Variants in HDAC1 observed in about 807,000 individuals in gnomAD.
HDAC1 encodes histone deacetylase 1.
HDAC1 carries 18 observed loss-of-function variants against 65.5 expected under a neutral mutation model. The observed-to-expected ratio is 0.27, with a 90% CI of 0.19 to 0.41. The LOEUF is 0.41. Among genes scored for constraint, HDAC1 ranks in the 10% least tolerant of loss-of-function variants. HDAC1 has a pLI of 1.00. For synonymous variants in HDAC1, 211 were observed against 227.9 expected, an observed-to-expected ratio of 0.93 and a Z score of 0.67; for missense variants, 373 against 625.2, an observed-to-expected ratio of 0.60 and a Z score of 4.30.
chr1:32,318,177 G>A (rs1049935594), intron 3 of HDAC1, among the ~76,000 whole-genome samples: 2 of 152,186 alleles, frequency 1.3e-5, no homozygotes, highest in African/African-American at 2.4e-5. Flanking sequence ...TCAAACTCCC[G>A]ACCTCAGGTG....
In HDAC1 at chr1:32,327,611, G is replaced by A. The variant is rs376335337; in HGVS notation, c.570G>A (p.Thr190=). The change falls in exon 6 of 14, where the codon ACG becomes ACA. Residue 190 remains threonine (T), a synonymous_variant. Transcript: ENST00000373548. This position sits in a 1 kb window ranked among gnomAD's most constrained non-coding sequence, Gnocchi z 6.0. ...GDGVEEAFYT[T]DRVMTVSFHK... The stretch of plus-strand genomic sequence containing the variant: ...GCGTGGAAGAGGCCTTCTACACCAC[G>A]GACCGGGTCATGACTGTGTCCTTTC... 72 of 1,613,586 alleles carry A rather than the reference G, an allele frequency of 4.5e-5. No homozygotes were observed. Among genetic ancestry groups the A allele is most frequent in the Non-Finnish European group, 5.5e-5 (65 of 1,179,528 alleles).
At chr1:32,297,965 A>G (rs1640791865) in intron 1 of HDAC1, among the ~76,000 whole-genome samples, 1 of 149,596 alleles carries the variant, frequency 6.7e-6, no homozygotes, top group Non-Finnish European at 1.5e-5. Context: ...AATTTTTTGT[A>G]TTTTTAGTAG....
intron 2 of HDAC1, among the ~76,000 whole-genome samples, chr1:32,310,511 G>A (rs1156907924): frequency 1.3e-5 from 2 of 152,032 alleles, no homozygotes; most frequent in Non-Finnish European, 2.9e-5. Flanking sequence ...CCAGGAGTTC[G>A]AGACCAGCCT....
rs1338027932 is a variant in HDAC1 at position 32,329,345 on chromosome 1, C to T, written c.729+185C>T. On this transcript the variant is annotated intron_variant, in intron 7 of 13. Coordinates refer to ENST00000373548, the MANE Select transcript of HDAC1 (RefSeq NM_004964.3). The surrounding 1 kb of genome is among the most constrained non-coding windows in gnomAD (Gnocchi z 4.1). The stretch of plus-strand genomic sequence containing the variant: ...AACAAACACCCATATTTATTGGTTC[C>T]TTCTATGGGTCAGGTCTTCTGCTGG... The T allele has an allele frequency of 1.6e-6, 1 of 611,864 alleles. No individual in the cohort carries two copies. The highest frequency in any genetic ancestry group is 2.7e-5 in the East Asian group (1 of 36,432). The allele number at this position is 611,864 out of a possible 1,614,324, so 37.9% of individuals were successfully genotyped here. A position where few individuals can be genotyped will look rare whatever the true frequency, so the allele number is the denominator to read the frequency against.
At chr1:32,302,796 C>A in intron 2 of HDAC1, 63 bp downstream of exon 2, 1 of 782,494 alleles carries the variant, frequency 1.3e-6, no homozygotes, top group East Asian at 2.5e-5. Flanking sequence ...ATATGCCATT[C>A]ATTATCTCAT....
chr1:32,316,369 T>C (rs1332630839), intron 2 of HDAC1, among the ~76,000 whole-genome samples: 1 of 152,202 alleles, frequency 6.6e-6, no homozygotes, highest in East Asian at 1.9e-4. Flanking sequence ...AACTTCCCTG[T>C]GTGGTCTATG....
Position 32,329,040 on chromosome 1 carries a change from G to T in HDAC1, c.637-28G>T, listed in dbSNP as rs927134859. On this transcript the variant is annotated intron_variant, in intron 6 of 13. Transcript: ENST00000373548. The surrounding 1 kb of genome is among the most constrained non-coding windows in gnomAD (Gnocchi z 4.1). Reference sequence around the variant, plus strand: ...ACCTTCCTTCAAGCTTCATCCTTCAGTTTTACTTTAATGGCCTTTTTAATT... The same window carrying T: ...ACCTTCCTTCAAGCTTCATCCTTCATTTTTACTTTAATGGCCTTTTTAATT... 13 of 1,375,566 alleles carry T rather than the reference G, an allele frequency of 9.5e-6. No homozygotes were observed. The highest frequency in any genetic ancestry group is 1.3e-5 in the Non-Finnish European group (13 of 963,204). 85.2% of individuals were successfully genotyped at this position (1,375,566 alleles called of 1,614,324 possible).
In HDAC1 at chr1:32,327,452, C is replaced by T; in HGVS notation, c.495-84C>T. ...CTTAGAGATACCTGAGGGAGGCAGCCAGCCCGGTAAGCTGGGAGCTAGCGC... is the reference window on the plus strand; with the variant it reads ...CTTAGAGATACCTGAGGGAGGCAGCTAGCCCGGTAAGCTGGGAGCTAGCGC... On this transcript the variant is annotated intron_variant, in intron 5 of 13. Transcript: ENST00000373548. The surrounding 1 kb of genome is among the most constrained non-coding windows in gnomAD (Gnocchi z 6.0). 9.5e-7 allele frequency: 1 copy of T among 1,053,836 alleles called. No homozygotes were observed. Among genetic ancestry groups the T allele is most frequent in the Non-Finnish European group, 1.5e-6 (1 of 688,844 alleles). The allele number at this position is 1,053,836 out of a possible 1,614,324, so 65.3% of individuals were successfully genotyped here.
chr1:32,298,011 C>T (rs896972763), intron 1 of HDAC1, among the ~76,000 whole-genome samples: 1 of 150,776 alleles, frequency 6.6e-6, no homozygotes, highest in Non-Finnish European at 1.5e-5. Flanking sequence ...GGATGGTCTC[C>T]ATCTCCTGAC....
In HDAC1 at chr1:32,331,052, A is replaced by G; in HGVS notation, c.979+144A>G. 2 of 724,070 alleles carry G rather than the reference A, an allele frequency of 2.8e-6. No homozygotes were observed. The highest frequency in any genetic ancestry group is 4.7e-5 in the Admixed American group (2 of 42,164). The allele number at this position is 724,070 out of a possible 1,614,324, so 44.9% of individuals were successfully genotyped here. A position where few individuals can be genotyped will look rare whatever the true frequency, so the allele number is the denominator to read the frequency against. On this transcript the variant is annotated intron_variant, in intron 9 of 13. Coordinates refer to ENST00000373548, the MANE Select transcript of HDAC1 (RefSeq NM_004964.3). The surrounding 1 kb of genome is among the most constrained non-coding windows in gnomAD (Gnocchi z 4.2). ...TGAGTCTCCTGCCTGTCCTCTTGTG[A>G]TCAGCAGACCATAACCATCACTTTT... is the stretch of plus-strand genomic sequence containing the variant.
chr1:32,294,056 A>G (rs1338806410), intron 1 of HDAC1, among the ~76,000 whole-genome samples: 1 of 150,608 alleles, frequency 6.6e-6, no homozygotes, highest in Admixed American at 6.6e-5. Context: ...CAACAGAGCG[A>G]GACTTCGTCT....
intron 2 of HDAC1, among the ~76,000 whole-genome samples, chr1:32,314,890 G>A (rs1341966964): frequency 6.6e-6 from 1 of 152,028 alleles, no homozygotes; most frequent in Non-Finnish European, 1.5e-5. Flanking sequence ...AAGTGTTTTG[G>A]GTCTTTATTT....
chr1:32,299,397 TACAA>T (rs1275411872), intron 1 of HDAC1, among the ~76,000 whole-genome samples: 3 of 151,816 alleles, frequency 2.0e-5, no homozygotes, highest in African/African-American at 4.8e-5. Flanking sequence ...ATGCCATCTC[TACAA>T]ACAAACAAAC....
intron 1 of HDAC1, among the ~76,000 whole-genome samples, chr1:32,294,127 A>G (rs1640735376): frequency 6.6e-6 from 1 of 151,832 alleles, no homozygotes; most frequent in South Asian, 2.1e-4. Flanking sequence ...CATGGATCCC[A>G]AGTTCCTGGT....
At chr1:32,299,664 G>A (rs773437437) in intron 1 of HDAC1, among the ~76,000 whole-genome samples, 1 of 152,108 alleles carries the variant, frequency 6.6e-6, no homozygotes, top group Non-Finnish European at 1.5e-5. Context: ...CTTTGGGTGT[G>A]TAGTTCACTT....
chr1:32,323,263 T>A (rs1462718691), intron 3 of HDAC1, among the ~76,000 whole-genome samples: 1 of 151,706 alleles, frequency 6.6e-6, no homozygotes, highest in Non-Finnish European at 1.5e-5. Context: ...ATCACTTCAC[T>A]ATACTCCAGC....
At chr1:32,315,348 AT>A (rs988626126) in intron 2 of HDAC1, among the ~76,000 whole-genome samples, 46 of 151,306 alleles carry the variant, frequency 3.0e-4, no homozygotes, top group South Asian at 6.3e-4. Context: ...ATACATATAT[AT>A]TTTTTTTAAT....
At chr1:32,306,731 G>A (rs191823527) in intron 2 of HDAC1, among the ~76,000 whole-genome samples, 86 of 152,172 alleles carry the variant, frequency 5.7e-4, no homozygotes, top group Non-Finnish European at 9.9e-4. Context: ...TTGACTGTGG[G>A]ATAATGCAGT....
rs1641193095 is a variant in HDAC1, at chr1:32,324,689, G to A, written c.355+136G>A. The A allele has an allele frequency of 4.3e-6, 3 of 690,196 alleles. No individual in the cohort carries two copies. In the Admixed American group the frequency reaches 6.5e-5, roughly 15 times the overall value. 42.8% of individuals were successfully genotyped at this position (690,196 alleles called of 1,614,324 possible). A position where few individuals can be genotyped will look rare whatever the true frequency, so the allele number is the denominator to read the frequency against. On this transcript the variant is annotated intron_variant, in intron 4 of 13. Transcript: ENST00000373548. Reference sequence around the variant, plus strand: ...TGGTTTTTACTGAAGTCTCTAAAATGGCTGGTGTAGTGTCTCACACCTGTA... The same window carrying A: ...TGGTTTTTACTGAAGTCTCTAAAATAGCTGGTGTAGTGTCTCACACCTGTA...
Sources: gnomAD v4.1 joint callset for allele counts (sites outside exome capture counted in the v4.1 genomes callset) on GRCh38, gnomAD v4.1.1 for gene constraint, Gnocchi (gnomAD v3.1) non-coding constraint, MANE v1.5 for transcripts, NCBI Gene and HGNC (gene_info 2026-07-23, HGNC 2026-07-21) for gene names.